The following LINGO2 variants were observed in gnomAD, a reference collection of about 807,000 sequenced individuals.
LINGO2 encodes the protein leucine-rich repeat and immunoglobulin-like domain-containing nogo receptor-interacting protein 2.
A neutral mutation model predicts 30.6 loss-of-function variants in LINGO2; 14 were observed. The ratio of observed to expected loss-of-function variants is 0.46; its 90% CI spans 0.30 to 0.72. LINGO2 has a LOEUF of 0.72. LINGO2 is among the 30% of genes least tolerant of loss of function. The pLI is 0.07. For missense variants in LINGO2, 729 were observed against 751.7 expected, an observed-to-expected ratio of 0.97 and a Z score of 0.35; for synonymous variants, 317 against 288.5, an observed-to-expected ratio of 1.10 and a Z score of -1.00.
chr9:28,267,220 G>C (rs763151426), intron 4 of LINGO2, among the ~76,000 whole-genome samples: 1 of 151,874 alleles, frequency 6.6e-6, no homozygotes, highest in African/African-American at 2.4e-5. Context: ...TTGTGTTGTT[G>C]TTGTTGTTCT....
chr9:28,635,150 T>G (rs905666857), intron 1 of LINGO2, among the ~76,000 whole-genome samples: 1 of 152,244 alleles, frequency 6.6e-6, no homozygotes, highest in Admixed American at 6.5e-5. Flanking sequence ...CTTTCAGTTG[T>G]GCATCCAATA....
At chr9:28,961,635 A>G in the LINGO2 span, among the ~76,000 whole-genome samples, 1 of 152,206 alleles carries the variant, frequency 6.6e-6, no homozygotes, top group Non-Finnish European at 1.5e-5. Flanking sequence ...AAAGTCTGAA[A>G]GTTGGAGCTA....
the LINGO2 span, among the ~76,000 whole-genome samples, chr9:28,726,672 T>C: frequency 1.2e-4 from 19 of 152,014 alleles, no homozygotes; most frequent in East Asian, 3.3e-3. Context: ...CAAAGAACAA[T>C]ATAAAAAAAT....
At chr9:28,433,305 G>A (rs1390832112) in intron 2 of LINGO2, among the ~76,000 whole-genome samples, 2 of 144,236 alleles carry the variant, frequency 1.4e-5, no homozygotes, top group Non-Finnish European at 3.1e-5. Flanking sequence ...TATATAAAGG[G>A]AAGATCTCAG....
At chr9:28,881,448 G>A in the LINGO2 span, among the ~76,000 whole-genome samples, 1 of 152,008 alleles carries the variant, frequency 6.6e-6, no homozygotes, top group Non-Finnish European at 1.5e-5. Context: ...AAATTTGTCA[G>A]TGATCCACAA....
At chr9:28,815,596 T>C in the LINGO2 span, among the ~76,000 whole-genome samples, 2 of 152,038 alleles carry the variant, frequency 1.3e-5, no homozygotes, top group Non-Finnish European at 2.9e-5. Context: ...ATAGAAGTCA[T>C]TCTCAGAAAG....
intron 5 of LINGO2, among the ~76,000 whole-genome samples, chr9:27,951,667 A>G (rs1819319448): frequency 6.6e-6 from 1 of 152,120 alleles, no homozygotes; most frequent in South Asian, 2.1e-4. Context: ...TAAAAGGTGT[A>G]TTACTGAGCT....
intron 4 of LINGO2, among the ~76,000 whole-genome samples, chr9:28,235,027 C>G (rs1224240708): frequency 2.0e-5 from 3 of 152,136 alleles, no homozygotes; most frequent in Non-Finnish European, 4.4e-5. Flanking sequence ...TGCCTGGGCA[C>G]TGAGAAATTC....
the LINGO2 span, among the ~76,000 whole-genome samples, chr9:28,829,201 C>A: frequency 1.3e-5 from 2 of 152,190 alleles, no homozygotes; most frequent in Non-Finnish European, 2.9e-5. Context: ...AAGAGTCCTA[C>A]TAGAGATGGC....
intron 3 of LINGO2, among the ~76,000 whole-genome samples, chr9:28,333,236 G>A (rs1307531970): frequency 6.6e-6 from 1 of 152,124 alleles, no homozygotes; most frequent in East Asian, 1.9e-4. Context: ...TTACATTTGG[G>A]AACACAGTTG....
chr9:28,343,400 C>T (rs1042970917), intron 3 of LINGO2, among the ~76,000 whole-genome samples: 5 of 152,088 alleles, frequency 3.3e-5, no homozygotes, highest in East Asian at 1.9e-4. Flanking sequence ...TGCAGAGCTA[C>T]GGGTCTGCCT....
chr9:28,454,031 G>A (rs1824749272), intron 2 of LINGO2, among the ~76,000 whole-genome samples: 1 of 152,006 alleles, frequency 6.6e-6, no homozygotes, highest in African/African-American at 2.4e-5. Context: ...GGAGTTGGAA[G>A]TAGGCTTTTA....
chr9:28,551,213 G>A (rs1239999619), intron 1 of LINGO2, among the ~76,000 whole-genome samples: 3 of 151,840 alleles, frequency 2.0e-5, no homozygotes, highest in Non-Finnish European at 4.4e-5. Context: ...TAGAATATCT[G>A]AAATAGGCCC....
chr9:27,992,160 T>C (rs905653093), intron 5 of LINGO2, among the ~76,000 whole-genome samples: 24 of 150,580 alleles, frequency 1.6e-4, no homozygotes, highest in African/African-American at 5.5e-4. Flanking sequence ...GAATTTTCAC[T>C]GAAAATACCC....
the LINGO2 span, among the ~76,000 whole-genome samples, chr9:29,160,068 A>G: frequency 1.3e-5 from 2 of 152,330 alleles, no homozygotes; most frequent in African/African-American, 2.4e-5. Flanking sequence ...TTCAATCTTT[A>G]TAGTATATCA....
chr9:27,954,094 C>T (rs369293439), intron 5 of LINGO2, among the ~76,000 whole-genome samples: 2 of 152,052 alleles, frequency 1.3e-5, no homozygotes, highest in African/African-American at 4.8e-5. Context: ...AATATTTGTA[C>T]GTATTTATGT....
At chr9:28,732,801 C>T in the LINGO2 span, among the ~76,000 whole-genome samples, 1 of 151,692 alleles carries the variant, frequency 6.6e-6, no homozygotes, top group Non-Finnish European at 1.5e-5. Context: ...AGCCATTAAT[C>T]TTCTCATGCT....
intron 1 of LINGO2, among the ~76,000 whole-genome samples, chr9:28,498,809 C>T (rs1210551241): frequency 6.6e-6 from 1 of 152,052 alleles, no homozygotes; most frequent in East Asian, 1.9e-4. Flanking sequence ...CGCCCCCCTC[C>T]TATTTAGGCT....
At chr9:29,097,445 TA>T in the LINGO2 span, among the ~76,000 whole-genome samples, 21 of 138,648 alleles carry the variant, frequency 1.5e-4, 3 homozygotes, top group Admixed American at 1.5e-3. Flanking sequence ...TACAAGTCAT[TA>T]AAAGTAAATT....
Sources: gnomAD v4.1 joint callset for allele counts (sites outside exome capture counted in the v4.1 genomes callset) on GRCh38, gnomAD v4.1.1 for gene constraint, MANE v1.5 for transcripts, NCBI Gene and HGNC (gene_info 2026-07-23, HGNC 2026-07-21) for gene names.